CACNA2D3: variants seen among roughly 807,000 people sequenced by gnomAD.
The protein encoded by CACNA2D3 is voltage-dependent calcium channel subunit alpha-2/delta-3.
A neutral mutation model predicts 160.6 loss-of-function variants in CACNA2D3; 60 were observed. The ratio of observed to expected loss-of-function variants is 0.37; its 90% CI spans 0.30 to 0.46. CACNA2D3 has a LOEUF of 0.46. CACNA2D3 is among the 20% of genes least tolerant of loss of function. The pLI is 1.00. For missense variants in CACNA2D3, 1,205 were observed against 1,365.0 expected, an observed-to-expected ratio of 0.88 and a Z score of 1.85; for synonymous variants, 558 against 492.9, an observed-to-expected ratio of 1.13 and a Z score of -1.75.
chr3:54,887,455 A>G (rs1289898082), intron 23 of CACNA2D3, among the ~76,000 whole-genome samples: 1 of 152,160 alleles, frequency 6.6e-6, no homozygotes, highest in Non-Finnish European at 1.5e-5. Context: ...ATAAAAATAA[A>G]TAAAATGAAA....
At chr3:54,176,726 C>A (rs141353868) in intron 2 of CACNA2D3, among the ~76,000 whole-genome samples, 2 of 152,288 alleles carry the variant, frequency 1.3e-5, no homozygotes, top group Admixed American at 6.5e-5. Flanking sequence ...TATACTTATT[C>A]ATTACCAGGT....
chr3:54,815,993 C>T (rs6781094), intron 13 of CACNA2D3, among the ~76,000 whole-genome samples: 18,743 of 152,074 alleles, frequency 0.12, 1,471 homozygotes, highest in East Asian at 0.18. Context: ...GGAATTAAAC[C>T]GTAGCCTAAT....
chr3:54,642,859 T>C lies in CACNA2D3; in HGVS notation c.1167+618T>C, dbSNP rs527576492. 5.9e-5 allele frequency among the ~76,000 whole-genome samples: 9 copies of C among 152,344 alleles called. No homozygotes were observed. In the South Asian group the frequency reaches 1.5e-3, roughly 25 times the overall value. ...CTGAACTCAGAGGTTTCTCAAGCTG[T>C]TATCTTGCCTGAGTTCCCTGGGGAG... On this transcript the variant is annotated intron_variant, in intron 11 of 37. Transcript: ENST00000474759.
At chr3:54,430,125 G>A (rs925242911) in intron 4 of CACNA2D3, among the ~76,000 whole-genome samples, 10 of 152,142 alleles carry the variant, frequency 6.6e-5, no homozygotes, top group Non-Finnish European at 1.0e-4. Flanking sequence ...TCCTTGCTGC[G>A]CAACTACTTT....
At chr3:54,127,886 T>C (rs899933043) in intron 2 of CACNA2D3, among the ~76,000 whole-genome samples, 1 of 152,024 alleles carries the variant, frequency 6.6e-6, no homozygotes, top group Non-Finnish European at 1.5e-5. Flanking sequence ...TTGCTAACTT[T>C]CGGTCTGAGC....
intron 2 of CACNA2D3, among the ~76,000 whole-genome samples, chr3:54,286,153 C>T (rs1269274917): frequency 1.3e-5 from 2 of 152,036 alleles, no homozygotes; most frequent in Non-Finnish European, 2.9e-5. Flanking sequence ...GAAATTCAAA[C>T]CAATGGCAAA....
chr3:54,666,336 A>T (rs997424989), intron 11 of CACNA2D3, among the ~76,000 whole-genome samples: 1 of 152,260 alleles, frequency 6.6e-6, no homozygotes, highest in African/African-American at 2.4e-5. Context: ...ATAAAAATAT[A>T]TTCTTTACAA....
At chr3:55,072,186 G>T (rs80332095) in intron 35 of CACNA2D3, among the ~76,000 whole-genome samples, 8,686 of 152,298 alleles carry the variant, frequency 0.057, 352 homozygotes, top group Non-Finnish European at 0.08. Flanking sequence ...AGGTGTCCCA[G>T]TGTGGATAGT....
chr3:54,273,558 G>C (rs116911126), intron 2 of CACNA2D3, among the ~76,000 whole-genome samples: 2,522 of 152,222 alleles, frequency 0.017, 54 homozygotes, highest in East Asian at 0.052. Context: ...TTCCCCTTTG[G>C]TGTGATTCAC....
intron 4 of CACNA2D3, among the ~76,000 whole-genome samples, chr3:54,403,345 A>C (rs1699506368): frequency 7.0e-6 from 1 of 143,062 alleles, no homozygotes; most frequent in Admixed American, 7.2e-5. Flanking sequence ...ACAGAGCCGG[A>C]CCCTATCTCA....
At chr3:54,827,351 A>T (rs1234861481) in intron 14 of CACNA2D3, among the ~76,000 whole-genome samples, 1 of 152,256 alleles carries the variant, frequency 6.6e-6, no homozygotes, top group African/African-American at 2.4e-5. Flanking sequence ...TTGGCAATGG[A>T]TATGGAAAGG....
chr3:54,161,519 A>G (rs1700344009), intron 2 of CACNA2D3, among the ~76,000 whole-genome samples: 1 of 152,206 alleles, frequency 6.6e-6, no homozygotes. Flanking sequence ...CTGCATATGA[A>G]TTAGTAACTG....
chr3:54,180,015 T>C (rs929212295), intron 2 of CACNA2D3, among the ~76,000 whole-genome samples: 1 of 152,148 alleles, frequency 6.6e-6, no homozygotes, highest in Non-Finnish European at 1.5e-5. Context: ...CTGAGAAGGT[T>C]TCATTTTTTC....
At chr3:54,757,352 G>C (rs897060556) in intron 12 of CACNA2D3, among the ~76,000 whole-genome samples, 1 of 152,162 alleles carries the variant, frequency 6.6e-6, no homozygotes, top group Non-Finnish European at 1.5e-5. Flanking sequence ...TTATCTGAAA[G>C]AGAACTGGTG....
At chr3:55,059,859 T>A (rs1704462827) in intron 35 of CACNA2D3, among the ~76,000 whole-genome samples, 1 of 152,030 alleles carries the variant, frequency 6.6e-6, no homozygotes, top group Non-Finnish European at 1.5e-5. Context: ...CGTTCTCCTC[T>A]CCAACCGTCC....
At position 54,661,063 on chromosome 3, in the gene CACNA2D3, CTG is replaced by C. The variant is rs571100810; in HGVS notation, c.1167+18825_1167+18826del. ...GAAGCAAAGAGGCCCATGTGGAAAT[CTG>C]TGCTGGAATGCGAACTGAAAGTAAG... is the stretch of plus-strand genomic sequence containing the variant. On this transcript the variant is annotated intron_variant, in intron 11 of 37. Coordinates refer to ENST00000474759, the MANE Select transcript of CACNA2D3 (RefSeq NM_018398.3). 9.7e-4 allele frequency among the ~76,000 whole-genome samples: 147 copies of C among 152,238 alleles called. 1 individual carries two copies. The highest frequency in any genetic ancestry group is 3.5e-3 in the African/African-American group (146 of 41,556).
chr3:54,594,611 C>T (rs1702918562), intron 9 of CACNA2D3, among the ~76,000 whole-genome samples: 1 of 152,114 alleles, frequency 6.6e-6, no homozygotes, highest in African/African-American at 2.4e-5. Context: ...ATAAACTTGC[C>T]AGTTAACCAA....
chr3:54,506,551 C>T (rs1701374345), intron 5 of CACNA2D3, among the ~76,000 whole-genome samples: 1 of 152,194 alleles, frequency 6.6e-6, no homozygotes, highest in African/African-American at 2.4e-5. Context: ...TTTGTGCTTT[C>T]CTCTCTGGCT....
intron 23 of CACNA2D3, among the ~76,000 whole-genome samples, chr3:54,886,970 C>G (rs867963206): frequency 9.3e-6 from 1 of 108,000 alleles, no homozygotes; most frequent in Middle Eastern, 7.7e-3. Flanking sequence ...AAGGTGAGGA[C>G]TGTCCTGTCC....
Sources: gnomAD v4.1 joint callset for allele counts (sites outside exome capture counted in the v4.1 genomes callset) on GRCh38, gnomAD v4.1.1 for gene constraint, MANE v1.5 for transcripts, NCBI Gene and HGNC (gene_info 2026-07-23, HGNC 2026-07-21) for gene names.